The following CDKL2 variants were observed in gnomAD, a reference collection of about 807,000 sequenced individuals.
CDKL2 encodes cyclin dependent kinase like 2.
In CDKL2, 64 loss-of-function variants were observed where a neutral mutation model predicts 63.9. The ratio of observed to expected loss-of-function variants is 1.00; its 90% CI spans 0.82 to 1.23. The LOEUF (loss-of-function observed/expected upper bound fraction) is 1.23, where lower values mean the gene tolerates loss of function less well. Among genes scored for constraint, CDKL2 ranks in the 50% most tolerant of loss-of-function variants. The probability of loss-of-function intolerance (pLI) is 0.00; values close to 1 mark genes in which losing one functional copy is unlikely to be tolerated. For missense variants in CDKL2, 656 were observed against 668.0 expected (o/e 0.98, Z 0.20); for synonymous variants, 211 against 229.2 (o/e 0.92, Z 0.72).
In CDKL2 at chr4:75,611,731, C is replaced by G. The variant is rs534618899; in HGVS notation, c.363+2524G>C. ...GTGCAATGGCACAATCTCAGCTTAC[C>G]GCAACCTCTGCCTCCCAGGTTCAAG... is the stretch of plus-strand genomic sequence containing the variant. On this transcript the variant is annotated intron_variant, in intron 3 of 13. Coordinates refer to ENST00000307465, the MANE Select transcript of CDKL2 (RefSeq NM_001330724.2). Among the ~76,000 whole-genome samples, 46 of 148,930 alleles carry G rather than the reference C, an allele frequency of 3.1e-4. No homozygotes were observed. In the South Asian group the frequency reaches 9.2e-3, roughly 30 times the overall value.
intron 12 of CDKL2, among the ~76,000 whole-genome samples, chr4:75,589,455 C>CAA (rs1728613648): frequency 6.6e-6 from 1 of 151,074 alleles, no homozygotes; most frequent in East Asian, 1.9e-4. Context: ...CAGGCGCCTG[C>CAA]CACTACGCCC....
chr4:75,592,748 T>G (rs1259094242), intron 10 of CDKL2, among the ~76,000 whole-genome samples: 1 of 152,258 alleles, frequency 6.6e-6, no homozygotes, highest in Non-Finnish European at 1.5e-5. Context: ...TTTCTATATA[T>G]GTCCTTGTCT....
At chr4:75,585,088 T>G (rs944140854) in intron 12 of CDKL2, among the ~76,000 whole-genome samples, 1 of 152,088 alleles carries the variant, frequency 6.6e-6, no homozygotes, top group African/African-American at 2.4e-5. Context: ...AGGGTGAAAG[T>G]AAATGAAATC....
chr4:75,624,070 G>T (rs1274749131), intron 2 of CDKL2, among the ~76,000 whole-genome samples: 1 of 149,132 alleles, frequency 6.7e-6, no homozygotes, highest in Non-Finnish European at 1.5e-5. Context: ...GGCAGAGGTT[G>T]CAGTGAGCCA....
intron 1 of CDKL2, among the ~76,000 whole-genome samples, chr4:75,629,487 C>T (rs1730579140): frequency 6.6e-6 from 1 of 152,178 alleles, no homozygotes; most frequent in African/African-American, 2.4e-5. Flanking sequence ...AACAGTTACT[C>T]ATAAACTATA....
At chr4:75,586,293 T>C (rs193011124) in intron 12 of CDKL2, among the ~76,000 whole-genome samples, 91 of 152,112 alleles carry the variant, frequency 6.0e-4, no homozygotes, top group African/African-American at 2.1e-3. Flanking sequence ...TGGCACCATC[T>C]TGGCTCACTG....
chr4:75,622,729 A>AC (rs1257155214), intron 2 of CDKL2, among the ~76,000 whole-genome samples: 2 of 148,656 alleles, frequency 1.3e-5, no homozygotes, highest in African/African-American at 4.9e-5. Context: ...AAAAAAAAAA[A>AC]AAAAAAAAAA....
chr4:75,620,048 T>C (rs1730090888), intron 2 of CDKL2, among the ~76,000 whole-genome samples: 1 of 152,074 alleles, frequency 6.6e-6, no homozygotes, highest in Admixed American at 6.6e-5. Flanking sequence ...TAGCTGGGCA[T>C]GGTGGCACAT....
In CDKL2 at chr4:75,617,749, CTA is replaced by C. The variant is rs1729990079; in HGVS notation, c.169-3302_169-3301del. 2.6e-5 allele frequency among the ~76,000 whole-genome samples: 4 copies of C among 152,302 alleles called. No individual in the cohort carries two copies. In the South Asian group the frequency reaches 6.2e-4, roughly 24 times the overall value. On this transcript the variant is annotated intron_variant, in intron 2 of 13. Coordinates refer to ENST00000307465, the MANE Select transcript of CDKL2 (RefSeq NM_001330724.2). ...ACCAGATAATTTATCTTTCTCTACT[CTA>C]TGTCAAGTCCTTCTTGCAAAGATTT...
chr4:75,627,053 A>G (rs1017209505), intron 1 of CDKL2, among the ~76,000 whole-genome samples: 2 of 150,764 alleles, frequency 1.3e-5, no homozygotes, highest in Non-Finnish European at 3.0e-5. Context: ...AAATACAAAA[A>G]TTAGCCAGGC....
chr4:75,610,800 T>C (rs1292390830), intron 3 of CDKL2, among the ~76,000 whole-genome samples: 1 of 152,200 alleles, frequency 6.6e-6, no homozygotes, highest in Non-Finnish European at 1.5e-5. Flanking sequence ...AAGCATCTCA[T>C]CCTTATGTGT....
rs992196059 is a variant in CDKL2, at chr4:75,577,675, A to G, written c.*1527T>C. Among the ~76,000 whole-genome samples the G allele has an allele frequency of 1.3e-5, 2 of 152,232 alleles. No homozygotes were observed. Among genetic ancestry groups the G allele is most frequent in the African/African-American group, 2.4e-5 (1 of 41,464 alleles). ...AAAAATAAAGTAGTAACTTTTTAAT[A>G]TGCAGCCTATTAATGCTGATACCCT... On this transcript the variant is annotated 3_prime_UTR_variant, in exon 14 of 14. Transcript: ENST00000307465.
chr4:75,581,790 G>T lies in CDKL2; in HGVS notation c.*23+20C>A. 1.4e-6 allele frequency: 2 copies of T among 1,381,208 alleles called. No homozygotes were observed. The highest frequency in any genetic ancestry group is 2.1e-6 in the Non-Finnish European group (2 of 971,492). 85.6% of individuals were successfully genotyped at this position (1,381,208 alleles called of 1,614,324 possible). A position where few individuals can be genotyped will look rare whatever the true frequency, so the allele number is the denominator to read the frequency against. Reference sequence around the variant, plus strand: ...CCTGTGAAAGGCTGCACAGCTTTAAGTATGGGAAATCACACCTACCCAGTT... The same window carrying T: ...CCTGTGAAAGGCTGCACAGCTTTAATTATGGGAAATCACACCTACCCAGTT... On this transcript the variant is annotated intron_variant, in intron 13 of 13. Coordinates refer to ENST00000307465, the MANE Select transcript of CDKL2 (RefSeq NM_001330724.2).
intron 12 of CDKL2, among the ~76,000 whole-genome samples, chr4:75,587,501 C>T (rs1728525577): frequency 2.0e-5 from 3 of 152,076 alleles, no homozygotes; most frequent in African/African-American, 4.8e-5. Flanking sequence ...CTATGAACAA[C>T]GTCATGCCAA....
chr4:75,581,453 C>T (rs900480109), intron 13 of CDKL2, among the ~76,000 whole-genome samples: 3 of 152,094 alleles, frequency 2.0e-5, no homozygotes, highest in Admixed American at 6.5e-5. Context: ...GAACATTAAC[C>T]GAGGCATCAT....
rs1362872844 is a variant in CDKL2 at position 75,625,915 on chromosome 4, T to A, written c.74A>T (p.Asp25Val). 6 of 1,612,880 alleles carry A rather than the reference T, an allele frequency of 3.7e-6. No individual in the cohort carries two copies. Among genetic ancestry groups the A allele is most frequent in the South Asian group, 1.1e-5 (1 of 90,996 alleles). The change falls in exon 2 of 14, where the codon GAT (aspartate) becomes GTT (valine). Residue 25 changes from aspartate to valine, a missense_variant. Coordinates refer to ENST00000307465, the MANE Select transcript of CDKL2 (RefSeq NM_001330724.2). The part of the protein sequence containing the change: ...YGMVMKCRNK[D>V]TGRIVAIKKF... ...CTTTATGGCCACAATTCTTCCAGTA[T>A]CTTTATTCCTACACTTCATCACCAT...
In CDKL2 at chr4:75,599,609, T is replaced by A. The variant is rs1729099555; in HGVS notation, c.884+672A>T. Reference sequence around the variant, plus strand: ...TCAAGTTTTGCTATGGTATCAGAGTTTTGGTATAGAATCAAAGAATACCCA... The same window carrying A: ...TCAAGTTTTGCTATGGTATCAGAGTATTGGTATAGAATCAAAGAATACCCA... On this transcript the variant is annotated intron_variant, in intron 7 of 13. Transcript: ENST00000307465. 2.7e-5 allele frequency among the ~76,000 whole-genome samples: 4 copies of A among 149,996 alleles called. No homozygotes were observed. In the Admixed American group the frequency reaches 2.7e-4, roughly 10 times the overall value.
At position 75,576,658 on chromosome 4, in the gene CDKL2, C is replaced by G. The variant is rs1728037043; in HGVS notation, c.*2544G>C. 6.6e-6 allele frequency among the ~76,000 whole-genome samples: 1 copy of G among 152,142 alleles called. No homozygotes were observed. Among genetic ancestry groups the G allele is most frequent in the African/African-American group, 2.4e-5 (1 of 41,442 alleles). ...CAGTGCTCTGTTGCTTCTCTAATCC[C>G]CTGACCATGGTTCAGTTATATAGAG... On this transcript the variant is annotated 3_prime_UTR_variant, in exon 14 of 14. Transcript: ENST00000307465.
intron 12 of CDKL2, 54 bp downstream of exon 12, chr4:75,591,765 G>C: frequency 8.8e-7 from 1 of 1,138,210 alleles, no homozygotes; most frequent in East Asian, 2.6e-5. Context: ...TACTTTACTA[G>C]TAAGTAAGAG....
Sources: allele counts gnomAD v4.1 joint callset (sites outside exome capture counted in the v4.1 genomes callset), GRCh38; gene constraint gnomAD v4.1.1; transcripts MANE v1.5; gene names NCBI Gene and HGNC (gene_info 2026-07-23, HGNC 2026-07-21).